GALT: variants seen among roughly 807,000 people sequenced by gnomAD.
GALT encodes the protein galactose-1-phosphate uridylyltransferase, also known as UDP-glucose--hexose-1-phosphate uridylyltransferase.
In GALT, 42 loss-of-function variants were observed where a neutral mutation model predicts 55.4. The observed-to-expected ratio is 0.76, with a 90% confidence interval of 0.59 to 0.98. The LOEUF is 0.98. Ranked by LOEUF, GALT falls within the 50% of genes least tolerant of loss-of-function variation. The pLI is 0.00. For missense variants in GALT, 407 were observed against 495.7 expected (o/e 0.82, Z 1.70); for synonymous variants, 154 against 181.5 (o/e 0.85, Z 1.22).
intron 1 of GALT, 70 bp downstream of exon 1, chr9:34,646,856 T>C (rs1433474228): frequency 1.9e-6 from 3 of 1,610,368 alleles, no homozygotes; most frequent in Non-Finnish European, 2.5e-6. Flanking sequence ...GAAGCTTTCG[T>C]CCCCTCCGAA....
Position 34,648,401 on chromosome 9 carries a change from G to C in GALT, c.632G>C (p.Ser211Thr), listed in dbSNP as rs3824553. Residue 211 changes from serine to threonine, a missense_variant, in exon 7 of 11, where the codon AGT (serine) becomes ACT (threonine). Transcript: ENST00000378842. The surrounding 1 kb of genome is among the most constrained non-coding windows in gnomAD (Gnocchi z 4.9). ...GAGCGATCTCAGCAGGCCTATAAGA[G>C]TCAGCATGGAGAGCCCCTGCTAATG... ...REERSQQAYKSQHGEPLLMEY... is the reference protein window; with the variant it reads ...REERSQQAYKTQHGEPLLMEY... The C allele has an allele frequency of 6.8e-5, 110 of 1,614,194 alleles. No homozygotes were observed. In the East Asian group the frequency reaches 2.3e-3, roughly 34 times the overall value.
chr9:34,649,082 G>T lies in GALT; in HGVS notation c.904+1G>T, dbSNP rs367543271. Reference sequence around the variant, plus strand: ...TTTCCCTACTCCATGGGCTGGCATGGTGAGGCTTTTCAAGTACCTATATTT... The same window carrying T: ...TTTCCCTACTCCATGGGCTGGCATGTTGAGGCTTTTCAAGTACCTATATTT... On this transcript the variant is annotated splice_donor_variant, in intron 9 of 10. Coordinates refer to ENST00000378842, the MANE Select transcript of GALT (RefSeq NM_000155.4). LOFTEE classifies it high-confidence loss of function. 1.2e-6 allele frequency: 2 copies of T among 1,613,976 alleles called. No individual in the cohort carries two copies. The highest frequency in any genetic ancestry group is 2.2e-5 in the South Asian group (2 of 91,084).
At position 34,647,304 on chromosome 9, in the gene GALT, A is replaced by G. The variant is rs1821128293; in HGVS notation, c.252+46A>G. The G allele has an allele frequency of 2.5e-6, 4 of 1,612,328 alleles. No individual in the cohort carries two copies. Among genetic ancestry groups the G allele is most frequent in the Non-Finnish European group, 3.4e-6 (4 of 1,178,734 alleles). ...ATCTGCAGGCTGGGCCACGGGGAGTAGTTCCCTCTTAGAACTGTCCTCCAC... is the reference window on the plus strand; with the variant it reads ...ATCTGCAGGCTGGGCCACGGGGAGTGGTTCCCTCTTAGAACTGTCCTCCAC... On this transcript the variant is annotated intron_variant, in intron 2 of 10. Coordinates refer to ENST00000378842, the MANE Select transcript of GALT (RefSeq NM_000155.4). This position sits in a 1 kb window ranked among gnomAD's most constrained non-coding sequence, Gnocchi z 5.6.
rs1821213074 is a variant in GALT at position 34,649,971 on chromosome 9, T to G, written c.1060-398T>G. ...AAACCACAATATCCAGCAAAATGTC[T>G]CCTGAGCACCCAGAACTCCATACCA... On this transcript the variant is annotated intron_variant, in intron 10 of 10. Transcript: ENST00000378842. 2.1e-5 allele frequency: 6 copies of G among 281,480 alleles called. No homozygotes were observed. In the South Asian group the frequency reaches 2.8e-4, roughly 13 times the overall value. 17.4% of individuals were successfully genotyped at this position (281,480 alleles called of 1,614,324 possible). A position where few individuals can be genotyped will look rare whatever the true frequency, so the allele number is the denominator to read the frequency against.
Position 34,650,410 on chromosome 9 carries a change from C to A in GALT, c.1101C>A (p.His367Gln), listed in dbSNP as rs1427375817. Residue 367 changes from histidine (H) to glutamine (Q), a missense_variant, in exon 11 of 11, where the codon CAC (histidine) becomes CAA (glutamine). His to Gln is a conservative substitution (Grantham distance 24). Coordinates refer to ENST00000378842, the MANE Select transcript of GALT (RefSeq NM_000155.4). ...GGGCACTTCCTGAGGTTCATTACCA[C>A]CTGGGGCAGAAGGACAGGGAGACAG... ...RLRALPEVHYHLGQKDRETAT... is the reference protein window; with the variant it reads ...RLRALPEVHYQLGQKDRETAT... The A allele has an allele frequency of 6.2e-7, 1 of 1,614,104 alleles. No individual in the cohort carries two copies. Among genetic ancestry groups the A allele is most frequent in the East Asian group, 2.2e-5 (1 of 44,882 alleles).
Position 34,650,506 on chromosome 9 carries a change from A to T in GALT, c.*57A>T. 1 of 1,509,764 alleles carries T rather than the reference A, an allele frequency of 6.6e-7. No homozygotes were observed. Among genetic ancestry groups the T allele is most frequent in the Non-Finnish European group, 9.2e-7 (1 of 1,086,102 alleles). 93.5% of individuals were successfully genotyped at this position (1,509,764 alleles called of 1,614,324 possible). ...TTGTTTTCAACAGTCTTGCTGAATT[A>T]AGCAGAAAGGGCCTTGAATCCTGGC... On this transcript the variant is annotated 3_prime_UTR_variant, in exon 11 of 11. Coordinates refer to ENST00000378842, the MANE Select transcript of GALT (RefSeq NM_000155.4).
chr9:34,650,375 G>C lies in GALT; in HGVS notation c.1066G>C (p.Glu356Gln). The C allele has an allele frequency of 6.2e-7, 1 of 1,613,286 alleles. No individual in the cohort carries two copies. The highest frequency in any genetic ancestry group is 1.1e-5 in the South Asian group (1 of 91,064). ...QRDLTPEQAA[E>Q]RLRALPEVHY... ...CTCCCTGTCCCTTTTCCAGGCTGCA[G>C]AGAGACTAAGGGCACTTCCTGAGGT... Residue 356 changes from glutamate to glutamine, a missense_variant, in exon 11 of 11, where the codon GAG (glutamate) becomes CAG (glutamine). By Grantham distance (29) the Glu-to-Gln change is conservative. Coordinates refer to ENST00000378842, the MANE Select transcript of GALT (RefSeq NM_000155.4).
chr9:34,648,938 G>A lies in GALT; in HGVS notation c.820+44G>A. 6.2e-7 allele frequency: 1 copy of A among 1,613,924 alleles called. No homozygotes were observed. Among genetic ancestry groups the A allele is most frequent in the East Asian group, 2.2e-5 (1 of 44,884 alleles). ...ATCCTGGGGCTAGGCACTGGATGGAGGTTGCTCCCAGTAGGGTCAGCATCT... is the reference window on the plus strand; with the variant it reads ...ATCCTGGGGCTAGGCACTGGATGGAAGTTGCTCCCAGTAGGGTCAGCATCT... On this transcript the variant is annotated intron_variant, in intron 8 of 10. Transcript: ENST00000378842. The surrounding 1 kb of genome is among the most constrained non-coding windows in gnomAD (Gnocchi z 4.9).
In GALT at chr9:34,648,274, G is replaced by C. The variant is rs1265587049; in HGVS notation, c.565-60G>C. On this transcript the variant is annotated intron_variant, in intron 6 of 10. Transcript: ENST00000378842. This position sits in a 1 kb window ranked among gnomAD's most constrained non-coding sequence, Gnocchi z 4.9. ...GATGGGACAGAGGAAATATGCCAAT[G>C]ATGTGGAGGCTTGGAGGTAAAGGAC... The C allele has an allele frequency of 1.9e-6, 3 of 1,613,732 alleles. No individual in the cohort carries two copies. The African/African-American group carries it at 4.0e-5, about 22-fold the overall frequency.
chr9:34,650,055 G>T, intron 10 of GALT: 1 of 382,996 alleles, frequency 2.6e-6, no homozygotes, highest in South Asian at 2.9e-5. Flanking sequence ...CAAGATGGGA[G>T]GATTGCTTGA....
rs1433331378 is a variant in GALT, at chr9:34,649,494, CCA to C, written c.991_992del (p.Thr331CysfsTer21). 1 of 1,614,186 alleles carries C rather than the reference CCA, an allele frequency of 6.2e-7. No individual in the cohort carries two copies. Among genetic ancestry groups the C allele is most frequent in the Admixed American group, 1.7e-5 (1 of 60,032 alleles). On this transcript the variant is annotated frameshift_variant, in exon 10 of 11. Transcript: ENST00000378842. LOFTEE classifies it high-confidence loss of function. ...TACTACCCTCCGCTCCTGCGCTCTG[CCA>C]CTGTCCGGAAATTCATGGTTGGCTA...
chr9:34,646,903 G>A (rs1007418263), intron 1 of GALT, 117 bp downstream of exon 1: 1 of 1,607,492 alleles, frequency 6.2e-7, no homozygotes, highest in African/African-American at 1.3e-5. Flanking sequence ...CCGACAAGGC[G>A]TACAGTCTGC....
At position 34,650,551 on chromosome 9, in the gene GALT, A is replaced by G. The variant is rs1000409519; in HGVS notation, c.*102A>G. 15 of 1,002,844 alleles carry G rather than the reference A, an allele frequency of 1.5e-5. No homozygotes were observed. In the African/African-American group the frequency reaches 2.2e-4, roughly 15 times the overall value. The allele number at this position is 1,002,844 out of a possible 1,614,324, so 62.1% of individuals were successfully genotyped here. ...CCTGGCCTGGAATTTGGGCAGATAT[A>G]GCATTAATAAAACTGTGCATCTCAA... is the stretch of plus-strand genomic sequence containing the variant. On this transcript the variant is annotated 3_prime_UTR_variant, in exon 11 of 11. Coordinates refer to ENST00000378842, the MANE Select transcript of GALT (RefSeq NM_000155.4).
At position 34,648,577 on chromosome 9, in the gene GALT, A is replaced by G; in HGVS notation, c.687+121A>G. The stretch of plus-strand genomic sequence containing the variant: ...AGAGAGAGACTTGCTAGGAGGCCTT[A>G]GCAATAATCCAGTAATCTAAAGGAA... On this transcript the variant is annotated intron_variant, in intron 7 of 10. Transcript: ENST00000378842. This position sits in a 1 kb window ranked among gnomAD's most constrained non-coding sequence, Gnocchi z 4.9. 1 of 1,547,164 alleles carries G rather than the reference A, an allele frequency of 6.5e-7. No individual in the cohort carries two copies.
Sources: allele counts gnomAD v4.1 joint callset, GRCh38; gene constraint gnomAD v4.1.1; non-coding constraint Gnocchi (gnomAD v3.1); transcripts MANE v1.5; gene names NCBI Gene and HGNC (gene_info 2026-07-23, HGNC 2026-07-21).